Variants in SMCO2 observed in about 807,000 individuals in gnomAD.
The protein encoded by SMCO2 is single-pass membrane and coiled-coil domain-containing protein 2.
In SMCO2, 25 loss-of-function variants were observed where a neutral mutation model predicts 29.5. The observed-to-expected ratio is 0.85, with a 90% CI of 0.62 to 1.18. SMCO2 has a LOEUF of 1.18. Ranked by LOEUF, SMCO2 falls within the 50% of genes most tolerant of loss-of-function variation. The pLI, the probability that SMCO2 is intolerant of heterozygous loss-of-function variation, is 0.00. For synonymous variants in SMCO2, 117 were observed against 123.3 expected (o/e 0.95, Z 0.34); for missense variants, 348 against 344.5 (o/e 1.01, Z -0.08).
In SMCO2 at chr12:27,470,763, GGAGT is replaced by G. The variant is rs1253876165; in HGVS notation, c.133_134+2del. On this transcript the variant is annotated splice_donor_variant and coding_sequence_variant, in exon 2 of 8. Coordinates refer to ENST00000298876, the Ensembl canonical transcript of SMCO2. LOFTEE classifies it high-confidence loss of function. The stretch of plus-strand genomic sequence containing the variant: ...TCAATGTGACTGAAGGTGCAATGCA[GGAGT>G]AAGTCAGAACTGAGCTTGCAGAAGC... 6.4e-7 allele frequency: 1 copy of G among 1,550,442 alleles called. No homozygotes were observed. Among genetic ancestry groups the G allele is most frequent in the South Asian group, 1.2e-5 (1 of 84,022 alleles).
chr12:27,466,755 A>G (rs1469470953), upstream of SMCO2: 1 of 152,422 alleles, frequency 6.6e-6, no homozygotes, highest in East Asian at 1.9e-4. Context: ...AGAGGGGGTT[A>G]CAGGCACTGC....
At chr12:27,442,998 T>C in the SMCO2 span, among the ~76,000 whole-genome samples, 11 of 152,146 alleles carry the variant, frequency 7.2e-5, no homozygotes, top group African/African-American at 2.7e-4. Context: ...AGGACATTCT[T>C]CCAAATTCAT....
intron 4 of SMCO2, among the ~76,000 whole-genome samples, chr12:27,477,665 T>C (rs1949601826): frequency 6.8e-6 from 1 of 147,954 alleles, no homozygotes; most frequent in Non-Finnish European, 1.5e-5. Flanking sequence ...GATTGGGTTA[T>C]TTCAAAACAC....
the SMCO2 span, among the ~76,000 whole-genome samples, chr12:27,451,918 A>G: frequency 6.6e-6 from 1 of 152,182 alleles, no homozygotes; most frequent in Non-Finnish European, 1.5e-5. Context: ...AGTGAAATCC[A>G]TAATAGGAGC....
chr12:27,501,982 G>A (rs1301904316), exon 8 of SMCO2: 2 of 1,547,728 alleles, frequency 1.3e-6, no homozygotes, highest in African/African-American at 1.4e-5. Flanking sequence ...GGACTTTTAT[G>A]TTACATACTA....
At chr12:27,450,690 G>A in the SMCO2 span, among the ~76,000 whole-genome samples, 1 of 152,180 alleles carries the variant, frequency 6.6e-6, no homozygotes, top group South Asian at 2.1e-4. Context: ...CACTGGTGAA[G>A]GACTGTTCCT....
rs1942971749 is a variant in SMCO2, at chr12:27,494,469, CTTTTT to C, written c.507+115_507+119del. 32 of 347,686 alleles carry C rather than the reference CTTTTT, an allele frequency of 9.2e-5. No individual in the cohort carries two copies. In the South Asian group the frequency reaches 2.0e-3, roughly 22 times the overall value. 21.5% of individuals were successfully genotyped at this position (347,686 alleles called of 1,614,324 possible). A position where few individuals can be genotyped will look rare whatever the true frequency, so the allele number is the denominator to read the frequency against. ...CGGTGCACCACATACTAGTCTCTTT[CTTTTT>C]TATTTAATTTAATTTATTATTATTA... On this transcript the variant is annotated intron_variant, in intron 6 of 7. Coordinates refer to ENST00000298876, the Ensembl canonical transcript of SMCO2.
At position 27,490,810 on chromosome 12, in the gene SMCO2, T is replaced by C. The variant is rs185401259; in HGVS notation, c.450+2263T>C. Reference sequence around the variant, plus strand: ...AGCCAGGCATGGTGGTGCATGCCTGTAGTCCCAGCTACTTAGGAGGCTGAG... The same window carrying C: ...AGCCAGGCATGGTGGTGCATGCCTGCAGTCCCAGCTACTTAGGAGGCTGAG... On this transcript the variant is annotated intron_variant, in intron 5 of 7. Transcript: ENST00000298876. Among the ~76,000 whole-genome samples, 297 of 152,182 alleles carry C rather than the reference T, an allele frequency of 2.0e-3. 2 individuals carry two copies. Among genetic ancestry groups the C allele is most frequent in the African/African-American group, 6.7e-3 (280 of 41,518 alleles).
intron 3 of SMCO2, among the ~76,000 whole-genome samples, chr12:27,474,345 A>G (rs1004984161): frequency 6.6e-6 from 1 of 152,192 alleles, no homozygotes; most frequent in Non-Finnish European, 1.5e-5. Flanking sequence ...AATGTCTTTT[A>G]CAGCCATATT....
intron 5 of SMCO2, among the ~76,000 whole-genome samples, chr12:27,492,800 A>G (rs1021602935): frequency 2.0e-5 from 3 of 152,212 alleles, no homozygotes; most frequent in Non-Finnish European, 4.4e-5. Flanking sequence ...TAAAAGCAGA[A>G]CTACCAGTCG....
the SMCO2 span, among the ~76,000 whole-genome samples, chr12:27,435,282 ACCCCCCCCCCCCC>A: frequency 4.5e-5 from 1 of 22,284 alleles, no homozygotes. Flanking sequence ...TGGCAGCAGA[ACCCCCCCCCCCCC>A]CCCCCCCGGC....
chr12:27,494,428 A>C (rs578211629), intron 6 of SMCO2, 72 bp downstream of exon 7: 8 of 970,852 alleles, frequency 8.2e-6, no homozygotes, highest in Middle Eastern at 2.1e-4. Flanking sequence ...GGGGTCATTC[A>C]TTGCCTAGAA....
At chr12:27,482,316 A>G (rs1464979498) in intron 4 of SMCO2, among the ~76,000 whole-genome samples, 1 of 152,080 alleles carries the variant, frequency 6.6e-6, no homozygotes, top group Non-Finnish European at 1.5e-5. Context: ...ATATTTTGAG[A>G]TGGAGTCTCG....
At chr12:27,432,342 G>A in the SMCO2 span, among the ~76,000 whole-genome samples, 1 of 152,022 alleles carries the variant, frequency 6.6e-6, no homozygotes, top group Non-Finnish European at 1.5e-5. Context: ...GCTGAAGCAC[G>A]TGTCGTACTT....
chr12:27,501,983 T>A lies in SMCO2; in HGVS notation c.744T>A (p.Cys248Ter), dbSNP rs1311339444. 30 of 1,547,952 alleles carry A rather than the reference T, an allele frequency of 1.9e-5. No individual in the cohort carries two copies. The East Asian group carries it at 6.8e-4, about 35-fold the overall frequency. ...TCCTCACCGTCACTGGACTTTTATG[T>A]TACATACTATTTTTTGGTGCTACAT... The change falls in exon 8 of 8, where the codon TGT becomes TGA. Residue 248 changes from cysteine (C) to a stop codon, truncating the protein, a stop_gained. Transcript: ENST00000298876. LOFTEE classifies it low-confidence loss of function (END_TRUNC).
At chr12:27,483,520 C>T (rs935055352) in intron 4 of SMCO2, among the ~76,000 whole-genome samples, 4 of 152,044 alleles carry the variant, frequency 2.6e-5, no homozygotes, top group African/African-American at 7.2e-5. Context: ...TGGGCTCAAG[C>T]GGTCCTCCCA....
At chr12:27,487,785 A>G (rs1426259071) in intron 4 of SMCO2, among the ~76,000 whole-genome samples, 1 of 142,918 alleles carries the variant, frequency 7.0e-6, no homozygotes, top group Non-Finnish European at 1.5e-5. Flanking sequence ...TGTGACAAGT[A>G]TGTAGTGATA....
the SMCO2 span, among the ~76,000 whole-genome samples, chr12:27,456,223 A>C: frequency 1.3e-5 from 2 of 152,354 alleles, no homozygotes; most frequent in African/African-American, 4.8e-5. Context: ...CTCAAAAAAA[A>C]CGAAATAACA....
chr12:27,426,236 A>G, the SMCO2 span, among the ~76,000 whole-genome samples: 5 of 152,208 alleles, frequency 3.3e-5, no homozygotes, highest in African/African-American at 1.2e-4. Context: ...CCAATTGCAT[A>G]TGGGAAATGT....
Sources: gnomAD v4.1 joint callset for allele counts (sites outside exome capture counted in the v4.1 genomes callset) on GRCh38, gnomAD v4.1.1 for gene constraint, MANE v1.5 for transcripts, NCBI Gene and HGNC (gene_info 2026-07-23, HGNC 2026-07-21) for gene names.